CEP85L: variants seen among roughly 807,000 people sequenced by gnomAD.
The protein encoded by CEP85L is centrosomal protein 85L.
A neutral mutation model predicts 100.3 loss-of-function variants in CEP85L; 60 were observed. The ratio of observed to expected loss-of-function variants is 0.60; its 90% CI spans 0.49 to 0.74. CEP85L has a LOEUF of 0.74. Among genes scored for constraint, CEP85L ranks in the 30% least tolerant of loss-of-function variants. The probability of loss-of-function intolerance (pLI) is 0.00; values close to 1 mark genes in which losing one functional copy is unlikely to be tolerated. For missense variants in CEP85L, 973 were observed against 936.2 expected, an observed-to-expected ratio of 1.04 and a Z score of -0.51; for synonymous variants, 319 against 322.7, an observed-to-expected ratio of 0.99 and a Z score of 0.12.
intron 3 of CEP85L, among the ~76,000 whole-genome samples, chr6:118,537,129 T>A (rs1399497290): frequency 1.3e-5 from 2 of 152,182 alleles, no homozygotes; most frequent in Non-Finnish European, 2.9e-5. Flanking sequence ...AATTTCAAAG[T>A]AATCTATCAT....
chr6:118,491,380 A>G (rs913268794), intron 6 of CEP85L: 1 of 796,872 alleles, frequency 1.3e-6, no homozygotes, highest in Non-Finnish European at 1.6e-6. Flanking sequence ...TATGCCCAAC[A>G]TGACAAAAAA....
chr6:118,540,256 A>T (rs900972112), intron 3 of CEP85L, among the ~76,000 whole-genome samples: 6 of 152,128 alleles, frequency 3.9e-5, no homozygotes, highest in African/African-American at 1.4e-4. Context: ...TTCCTGTATC[A>T]TGATAAGTTG....
At chr6:118,559,071 G>C in intron 3 of CEP85L, 1 of 1,611,220 alleles carries the variant, frequency 6.2e-7, no homozygotes, top group Non-Finnish European at 8.5e-7. Context: ...TCATCGTGAT[G>C]CTTCTCTGAA....
intron 2 of CEP85L, among the ~76,000 whole-genome samples, chr6:118,613,525 G>A (rs9481836): frequency 0.029 from 4,440 of 152,164 alleles, 193 homozygotes; most frequent in African/African-American, 0.091. Context: ...GTGGGGCCAA[G>A]GCGGGTGGAT....
chr6:118,650,588 G>C (rs995157418), intron 1 of CEP85L, among the ~76,000 whole-genome samples: 2 of 152,194 alleles, frequency 1.3e-5, no homozygotes, highest in African/African-American at 4.8e-5. Flanking sequence ...CAGGGGCTGC[G>C]GGGCGGCGAC....
intron 2 of CEP85L, among the ~76,000 whole-genome samples, chr6:118,580,115 T>A (rs73528703): frequency 0.011 from 1,696 of 152,270 alleles, 43 homozygotes; most frequent in African/African-American, 0.039. Flanking sequence ...CCTCCTAATA[T>A]AAATGGCTGT....
intron 12 of CEP85L, 70 bp downstream of exon 12, chr6:118,469,002 C>A (rs902144766): frequency 9.8e-6 from 10 of 1,022,508 alleles, no homozygotes; most frequent in Non-Finnish European, 1.4e-5. Context: ...AAAAGGCAGT[C>A]GGAAGTTCCT....
intron 1 of CEP85L, among the ~76,000 whole-genome samples, chr6:118,704,149 A>G (rs1366912687): frequency 6.6e-6 from 1 of 152,196 alleles, no homozygotes; most frequent in African/African-American, 2.4e-5. Context: ...AGGCATACCT[A>G]TCTGTAATTA....
chr6:118,695,854 G>GA (rs1777191341), intron 1 of CEP85L, among the ~76,000 whole-genome samples: 1 of 152,044 alleles, frequency 6.6e-6, no homozygotes. Context: ...GGGTGATGAG[G>GA]GCTACTAATT....
chr6:118,592,294 C>G (rs1380240653), intron 2 of CEP85L, among the ~76,000 whole-genome samples: 1 of 148,792 alleles, frequency 6.7e-6, no homozygotes, highest in African/African-American at 2.5e-5. Flanking sequence ...ACTTGAAAAG[C>G]TATATAACCC....
chr6:118,674,073 G>A (rs1776399440), intron 1 of CEP85L, among the ~76,000 whole-genome samples: 1 of 152,086 alleles, frequency 6.6e-6, no homozygotes, highest in African/African-American at 2.4e-5. Context: ...TAGAGAACAG[G>A]GGCATAAATA....
At chr6:118,631,965 G>A (rs765896257) in intron 2 of CEP85L, among the ~76,000 whole-genome samples, 10 of 152,154 alleles carry the variant, frequency 6.6e-5, no homozygotes, top group Non-Finnish European at 1.0e-4. Context: ...TTAAAAAGAT[G>A]AAGGAAAAAC....
intron 2 of CEP85L, among the ~76,000 whole-genome samples, chr6:118,572,079 C>T (rs1183949075): frequency 6.6e-6 from 1 of 152,020 alleles, no homozygotes; most frequent in Non-Finnish European, 1.5e-5. Context: ...TGGTCTCGAA[C>T]TCCCAACCTC....
At chr6:118,633,345 C>T (rs1774294101) in intron 1 of CEP85L, among the ~76,000 whole-genome samples, 1 of 151,894 alleles carries the variant, frequency 6.6e-6, no homozygotes, top group Admixed American at 6.6e-5. Flanking sequence ...GCTGAGACTA[C>T]AGGTGCCCAC....
chr6:118,701,940 G>A (rs1777422924), intron 1 of CEP85L, among the ~76,000 whole-genome samples: 1 of 152,146 alleles, frequency 6.6e-6, no homozygotes, highest in Non-Finnish European at 1.5e-5. Context: ...AAGAGAAAAG[G>A]TCCATATGAT....
intron 2 of CEP85L, among the ~76,000 whole-genome samples, chr6:118,625,709 G>A (rs73528783): frequency 0.013 from 1,935 of 152,246 alleles, 51 homozygotes; most frequent in African/African-American, 0.044. Context: ...TGAAGAGAAC[G>A]TAGAAAGAGT....
intron 5 of CEP85L, among the ~76,000 whole-genome samples, chr6:118,494,902 TAAGATTATGATAGAAA>T (rs879637310): frequency 9.2e-5 from 14 of 152,072 alleles, no homozygotes; most frequent in Non-Finnish European, 2.1e-4. Flanking sequence ...CTAGGATTAG[TAAGATTATGATAGAAA>T]ATGTAGACAG....
intron 3 of CEP85L, among the ~76,000 whole-genome samples, chr6:118,554,214 G>A (rs564401089): frequency 5.3e-5 from 8 of 152,232 alleles, no homozygotes; most frequent in Non-Finnish European, 1.2e-4. Context: ...CTAGAGCCTG[G>A]GAAGTTGAGG....
chr6:118,578,402 G>A (rs1341718578), intron 2 of CEP85L, among the ~76,000 whole-genome samples: 1 of 152,202 alleles, frequency 6.6e-6, no homozygotes, highest in African/African-American at 2.4e-5. Flanking sequence ...CCTAGCCAAT[G>A]GGGAAAGGAC....
Sources: allele counts gnomAD v4.1 joint callset (sites outside exome capture counted in the v4.1 genomes callset), GRCh38; gene constraint gnomAD v4.1.1; transcripts MANE v1.5; gene names NCBI Gene and HGNC (gene_info 2026-07-23, HGNC 2026-07-21).